CCDC91: variants seen among roughly 807,000 people sequenced by gnomAD.
The protein encoded by CCDC91 is coiled-coil domain-containing protein 91.
A neutral mutation model predicts 63.2 loss-of-function variants in CCDC91; 48 were observed. The ratio of observed to expected loss-of-function variants is 0.76; its 90% CI spans 0.60 to 0.97. The LOEUF (loss-of-function observed/expected upper bound fraction) is 0.97, where lower values mean the gene tolerates loss of function less well. Among genes scored for constraint, CCDC91 ranks in the 50% least tolerant of loss-of-function variants. The pLI, the probability that CCDC91 is intolerant of heterozygous loss-of-function variation, is 0.00. For missense variants in CCDC91, 500 were observed against 494.6 expected (o/e 1.01, Z -0.10); for synonymous variants, 167 against 165.8 (o/e 1.01, Z -0.06).
chr12:28,433,954 T>C (rs1948763540), intron 8 of CCDC91, among the ~76,000 whole-genome samples: 1 of 151,890 alleles, frequency 6.6e-6, no homozygotes, highest in Non-Finnish European at 1.5e-5. Context: ...TGTTGGAGAC[T>C]AGTGTAAATA....
intron 10 of CCDC91, among the ~76,000 whole-genome samples, chr12:28,450,780 T>C (rs1949766034): frequency 6.6e-6 from 1 of 151,776 alleles, no homozygotes; most frequent in African/African-American, 2.4e-5. Flanking sequence ...CTCATCTAAA[T>C]CATGTATTCA....
chr12:28,525,137 C>T (rs1368657883), intron 12 of CCDC91, among the ~76,000 whole-genome samples: 1 of 151,824 alleles, frequency 6.6e-6, no homozygotes, highest in Non-Finnish European at 1.5e-5. Context: ...CTTTCTTCTG[C>T]TGGGTTTGGG....
intron 8 of CCDC91, among the ~76,000 whole-genome samples, chr12:28,397,072 A>C (rs1008512100): frequency 1.3e-5 from 2 of 152,204 alleles, no homozygotes; most frequent in African/African-American, 4.8e-5. Context: ...ACCTTAACAT[A>C]TAAGGGATAG....
intron 12 of CCDC91, among the ~76,000 whole-genome samples, chr12:28,500,782 T>C (rs185176533): frequency 7.2e-5 from 11 of 151,834 alleles, no homozygotes; most frequent in African/African-American, 9.6e-5. Flanking sequence ...TCCATAGATA[T>C]TTGAACTGCA....
At chr12:28,298,373 T>TC (rs1949681878) in intron 3 of CCDC91, among the ~76,000 whole-genome samples, 1 of 140,538 alleles carries the variant, frequency 7.1e-6, no homozygotes, top group Non-Finnish European at 1.6e-5. Flanking sequence ...TTTTTTTTTT[T>TC]TTTTCCCCCC....
intron 11 of CCDC91, among the ~76,000 whole-genome samples, chr12:28,471,410 A>C (rs775265611): frequency 5.9e-5 from 9 of 152,178 alleles, no homozygotes; most frequent in Non-Finnish European, 1.3e-4. Context: ...AATCTCCTGG[A>C]GGAGGTACTC....
At chr12:28,500,189 G>GT (rs568424267) in intron 12 of CCDC91, among the ~76,000 whole-genome samples, 12,123 of 126,070 alleles carry the variant, frequency 0.096, 1,270 homozygotes, top group African/African-American at 0.25. Flanking sequence ...TTTTGATGGG[G>GT]TTTTTTTTTT....
chr12:28,305,173 G>A (rs1938574349), intron 3 of CCDC91, among the ~76,000 whole-genome samples: 1 of 152,014 alleles, frequency 6.6e-6, no homozygotes, highest in African/African-American at 2.4e-5. Context: ...TGCCTACCGA[G>A]TCATAAAGCC....
At chr12:28,231,888 C>T (rs889879037) in intron 1 of CCDC91, among the ~76,000 whole-genome samples, 2 of 152,092 alleles carry the variant, frequency 1.3e-5, no homozygotes, top group African/African-American at 4.8e-5. Flanking sequence ...TGGTGATTTT[C>T]CCAGCTGTAA....
intron 12 of CCDC91, chr12:28,505,332 C>G (rs1156296761): frequency 6.6e-6 from 1 of 151,764 alleles, no homozygotes; most frequent in Non-Finnish European, 1.5e-5. Context: ...CATAATATTC[C>G]ATGTCCTTGA....
chr12:28,219,711 G>T (rs1379487512), intron 1 of CCDC91, among the ~76,000 whole-genome samples: 2 of 152,032 alleles, frequency 1.3e-5, no homozygotes, highest in Non-Finnish European at 2.9e-5. Flanking sequence ...CTGACCTCAT[G>T]GTCCTCCTGC....
intron 7 of CCDC91, among the ~76,000 whole-genome samples, chr12:28,386,679 T>C (rs1945623331): frequency 3.3e-5 from 5 of 152,210 alleles, no homozygotes; most frequent in Admixed American, 3.3e-4. Flanking sequence ...AAAATTATTC[T>C]TAAAGTGTGA....
At chr12:28,297,821 A>AT (rs1949648340) in intron 3 of CCDC91, among the ~76,000 whole-genome samples, 1 of 151,836 alleles carries the variant, frequency 6.6e-6, no homozygotes, top group Non-Finnish European at 1.5e-5. Flanking sequence ...AGATATTTAT[A>AT]TTTTACATAC....
At chr12:28,344,456 T>C (rs780046524) in intron 6 of CCDC91, among the ~76,000 whole-genome samples, 1 of 152,152 alleles carries the variant, frequency 6.6e-6, no homozygotes, top group African/African-American at 2.4e-5. Context: ...AATATTTTAC[T>C]CTCATTTGAA....
chr12:28,412,999 A>G (rs764804096), intron 8 of CCDC91: 2 of 220,308 alleles, frequency 9.1e-6, no homozygotes, highest in East Asian at 1.4e-4. Context: ...AGTGGAATCT[A>G]TATTAATAGG....
chr12:28,503,478 C>G (rs1404862583), intron 12 of CCDC91, among the ~76,000 whole-genome samples: 1 of 152,186 alleles, frequency 6.6e-6, no homozygotes, highest in Admixed American at 6.5e-5. Flanking sequence ...CACTTTTACA[C>G]TGTTGGTGGG....
At chr12:28,345,175 A>G (rs752449264) in intron 6 of CCDC91, among the ~76,000 whole-genome samples, 16 of 152,106 alleles carry the variant, frequency 1.1e-4, no homozygotes, top group Non-Finnish European at 2.2e-4. Context: ...AGCCAATGTT[A>G]GCAATTTCTT....
At chr12:28,228,521 G>A (rs1169215048) in intron 1 of CCDC91, among the ~76,000 whole-genome samples, 1 of 151,980 alleles carries the variant, frequency 6.6e-6, no homozygotes, top group African/African-American at 2.4e-5. Flanking sequence ...ATGGTAACCA[G>A]GCTTCTGCTT....
chr12:28,355,642 G>C (rs537689507), intron 6 of CCDC91, among the ~76,000 whole-genome samples: 70 of 152,282 alleles, frequency 4.6e-4, no homozygotes, highest in Non-Finnish European at 9.6e-4. Flanking sequence ...TCTGGGGTTT[G>C]TAAATTAACA....
Sources: allele counts gnomAD v4.1 joint callset (sites outside exome capture counted in the v4.1 genomes callset), GRCh38; gene constraint gnomAD v4.1.1; transcripts MANE v1.5; gene names NCBI Gene and HGNC (gene_info 2026-07-23, HGNC 2026-07-21).